RPA1: variants seen among roughly 807,000 people sequenced by gnomAD.
RPA1 encodes the protein replication protein A1.
A neutral mutation model predicts 83.0 loss-of-function variants in RPA1; 49 were observed. The ratio of observed to expected loss-of-function variants is 0.59; its 90% CI spans 0.47 to 0.75. The LOEUF (loss-of-function observed/expected upper bound fraction) is 0.75, where lower values mean the gene tolerates loss of function less well. RPA1 is among the 30% of genes least tolerant of loss of function. The pLI, the probability that RPA1 is intolerant of heterozygous loss-of-function variation, is 0.00. For missense variants in RPA1, 693 were observed against 776.1 expected, an observed-to-expected ratio of 0.89 and a Z score of 1.27; for synonymous variants, 279 against 281.8, an observed-to-expected ratio of 0.99 and a Z score of 0.10.
chr17:1,847,508 C>T (rs1912307102), intron 4 of RPA1, among the ~76,000 whole-genome samples: 1 of 152,228 alleles, frequency 6.6e-6, no homozygotes, highest in Non-Finnish European at 1.5e-5. Context: ...TTCTTTTGTA[C>T]CTCTGCTGAG....
chr17:1,848,168 A>G (rs967011707), intron 4 of RPA1, among the ~76,000 whole-genome samples: 1 of 152,232 alleles, frequency 6.6e-6, no homozygotes, highest in Non-Finnish European at 1.5e-5. Context: ...TGATGCTTGC[A>G]TAACTGCAAA....
In RPA1 at chr17:1,875,927, T is replaced by G. The variant is rs1049682996; in HGVS notation, c.587+134T>G. 1.9e-4 allele frequency: 142 copies of G among 755,032 alleles called. 2 individuals are homozygous for G. In the Admixed American group the frequency reaches 6.4e-3, roughly 34 times the overall value. The allele number at this position is 755,032 out of a possible 1,614,324, so 46.8% of individuals were successfully genotyped here. On this transcript the variant is annotated intron_variant, in intron 7 of 16. Transcript: ENST00000254719. ...CCAAATAGAATGGGTTTACTCTTTT[T>G]TTTTTTTTTTTTTGCTGAGGAGGAA...
At position 1,830,042 on chromosome 17, in the gene RPA1, G is replaced by T; in HGVS notation, c.-52G>T. On this transcript the variant is annotated 5_prime_UTR_variant, in exon 1 of 17. Coordinates refer to ENST00000254719, the MANE Select transcript of RPA1 (RefSeq NM_002945.5). ...ACTGCGCAGCGCGCGGGACCCGGGT[G>T]GGGAAGCTGGAGCTGTTGCGGGGTC... 2 of 1,247,102 alleles carry T rather than the reference G, an allele frequency of 1.6e-6. No individual in the cohort carries two copies. Among genetic ancestry groups the T allele is most frequent in the South Asian group, 4.1e-5 (1 of 24,388 alleles). 77.3% of individuals were successfully genotyped at this position (1,247,102 alleles called of 1,614,324 possible). A position where few individuals can be genotyped will look rare whatever the true frequency, so the allele number is the denominator to read the frequency against.
At position 1,890,702 on chromosome 17, in the gene RPA1, T is replaced by A. The variant is rs1031349817; in HGVS notation, c.1552-1131T>A. On this transcript the variant is annotated intron_variant, in intron 14 of 16. Coordinates refer to ENST00000254719, the MANE Select transcript of RPA1 (RefSeq NM_002945.5). ...TTAAATTAATAAATGATAAATAAAA[T>A]GAAATGTTAGCTTAGCAGGACAGTT... is the stretch of plus-strand genomic sequence containing the variant. Among the ~76,000 whole-genome samples, 3 of 152,256 alleles carry A rather than the reference T, an allele frequency of 2.0e-5. No individual in the cohort carries two copies. The East Asian group carries it at 5.8e-4, about 29-fold the overall frequency.
intron 5 of RPA1, among the ~76,000 whole-genome samples, chr17:1,858,988 C>T (rs1036852613): frequency 3.3e-5 from 5 of 151,414 alleles, no homozygotes; most frequent in African/African-American, 9.7e-5. Flanking sequence ...CTGCAATCTC[C>T]ACCTCCCAGG....
intron 5 of RPA1, among the ~76,000 whole-genome samples, chr17:1,861,516 T>G (rs1453553068): frequency 6.6e-6 from 1 of 152,202 alleles, no homozygotes; most frequent in African/African-American, 2.4e-5. Flanking sequence ...AGGTGTGTCC[T>G]TAAAAACAAA....
chr17:1,888,892 G>A (rs542248249), intron 14 of RPA1, 41 bp downstream of exon 14: 6 of 1,587,182 alleles, frequency 3.8e-6, no homozygotes, highest in South Asian at 2.3e-5. Flanking sequence ...TTGTGTTCAC[G>A]GAGGCCCTCC....
chr17:1,880,737 T>A, intron 12 of RPA1, 46 bp downstream of exon 12: 3 of 1,603,064 alleles, frequency 1.9e-6, no homozygotes, highest in Non-Finnish European at 2.6e-6. Context: ...GGCTGGGCTT[T>A]GAGAAAAGCT....
intron 5 of RPA1, among the ~76,000 whole-genome samples, chr17:1,860,391 C>T (rs1205257009): frequency 6.6e-6 from 1 of 152,220 alleles, no homozygotes; most frequent in East Asian, 1.9e-4. Context: ...CCTCAATCCT[C>T]CTGCCTTAGC....
At chr17:1,859,929 C>T (rs1199801579) in intron 5 of RPA1, among the ~76,000 whole-genome samples, 1 of 152,254 alleles carries the variant, frequency 6.6e-6, no homozygotes, top group Non-Finnish European at 1.5e-5. Flanking sequence ...TCTCCTGCCT[C>T]AGCCTCCTGA....
chr17:1,856,172 A>G (rs1912685259), intron 5 of RPA1, among the ~76,000 whole-genome samples: 1 of 152,064 alleles, frequency 6.6e-6, no homozygotes, highest in Non-Finnish European at 1.5e-5. Context: ...AAAAATACAA[A>G]AAATTAGCTG....
intron 1 of RPA1, among the ~76,000 whole-genome samples, chr17:1,833,783 G>A (rs1911707574): frequency 6.6e-6 from 1 of 151,890 alleles, no homozygotes; most frequent in South Asian, 2.1e-4. Context: ...GAACCCGGGA[G>A]ATAGAGGTTC....
chr17:1,832,472 C>T (rs752504730), intron 1 of RPA1, among the ~76,000 whole-genome samples: 76 of 151,490 alleles, frequency 5.0e-4, no homozygotes, highest in African/African-American at 1.7e-3. Flanking sequence ...CTGCAACCTC[C>T]GCCTCCTGGG....
intron 5 of RPA1, among the ~76,000 whole-genome samples, chr17:1,870,156 G>A (rs951289536): frequency 6.6e-6 from 1 of 152,118 alleles, no homozygotes; most frequent in Non-Finnish European, 1.5e-5. Flanking sequence ...TGATAATAGT[G>A]TCTACATCCT....
intron 5 of RPA1, among the ~76,000 whole-genome samples, chr17:1,859,435 CT>C (rs1180720933): frequency 6.6e-6 from 1 of 152,150 alleles, no homozygotes; most frequent in Non-Finnish European, 1.5e-5. Flanking sequence ...GTTTCTCTGT[CT>C]CTCTGCAGTT....
intron 15 of RPA1, among the ~76,000 whole-genome samples, chr17:1,893,431 C>T (rs987348020): frequency 6.7e-6 from 1 of 148,684 alleles, no homozygotes; most frequent in Admixed American, 6.7e-5. Flanking sequence ...ATTTTCATAT[C>T]TGAAAGTCCA....
chr17:1,852,533 C>CCAGAGGG (rs755705681), intron 4 of RPA1, among the ~76,000 whole-genome samples: 13 of 152,198 alleles, frequency 8.5e-5, no homozygotes, highest in Admixed American at 2.6e-4. Flanking sequence ...AACAGGAAGG[C>CCAGAGGG]CAGAGGGCAG....
At chr17:1,870,006 A>C (rs1913319395) in intron 5 of RPA1, among the ~76,000 whole-genome samples, 1 of 152,136 alleles carries the variant, frequency 6.6e-6, no homozygotes. Flanking sequence ...GTTCACAGTT[A>C]ACAATTACCT....
Position 1,830,063 on chromosome 17 carries a change from G to T in RPA1, c.-31G>T. 8.0e-7 allele frequency: 1 copy of T among 1,249,210 alleles called. No individual in the cohort carries two copies. The allele number at this position is 1,249,210 out of a possible 1,614,324, so 77.4% of individuals were successfully genotyped here. On this transcript the variant is annotated 5_prime_UTR_variant, in exon 1 of 17. Transcript: ENST00000254719. ...GGGTGGGGAAGCTGGAGCTGTTGCG[G>T]GGTCCGCGGGGAAGTCTTGGCGGTG...
Sources: gnomAD v4.1 joint callset for allele counts (sites outside exome capture counted in the v4.1 genomes callset) on GRCh38, gnomAD v4.1.1 for gene constraint, MANE v1.5 for transcripts, NCBI Gene and HGNC (gene_info 2026-07-23, HGNC 2026-07-21) for gene names.